FXR1: variants seen among roughly 807,000 people sequenced by gnomAD.
The protein encoded by FXR1 is RNA-binding protein FXR1.
A neutral mutation model predicts 84.0 loss-of-function variants in FXR1; 15 were observed. That is an observed-to-expected ratio of 0.18 (90% CI 0.12 to 0.27). The LOEUF (loss-of-function observed/expected upper bound fraction) is 0.27, where lower values mean the gene tolerates loss of function less well. FXR1 is among the 10% of genes least tolerant of loss of function. FXR1 has a pLI of 1.00. For synonymous variants in FXR1, 245 were observed against 250.7 expected (o/e 0.98, Z 0.21); for missense variants, 480 against 774.4 (o/e 0.62, Z 4.51).
intron 6 of FXR1, 48 bp from the exon 7 acceptor site, chr3:180,949,179 T>C: frequency 1.1e-6 from 1 of 939,712 alleles, no homozygotes; most frequent in Non-Finnish European, 1.8e-6. Context: ...GTTTGTGCTA[T>C]TTGGAAGAAT....
In FXR1 at chr3:180,976,286, T is replaced by C. The variant is rs1371527359; in HGVS notation, c.1860T>C (p.Val620=). The C allele has an allele frequency of 6.3e-7, 1 of 1,585,068 alleles. No individual in the cohort carries two copies. Among genetic ancestry groups the C allele is most frequent in the Admixed American group, 1.8e-5 (1 of 54,862 alleles). ...NTQEAAVLNG[V]S ...AAGAAGCAGCAGTCCTGAATGGTGT[T>C]TCATAAACTGAAGAAGTTCCTAGTT... The change falls in exon 17 of 17, where the codon GTT becomes GTC. Residue 620 remains valine, a synonymous_variant. Transcript: ENST00000357559.
intron 3 of FXR1, among the ~76,000 whole-genome samples, chr3:180,938,564 T>C (rs368842128): frequency 3.9e-5 from 6 of 152,334 alleles, no homozygotes; most frequent in African/African-American, 1.4e-4. Flanking sequence ...TATTTTATTT[T>C]TGAGATGGAG....
intron 1 of FXR1, among the ~76,000 whole-genome samples, chr3:180,917,767 A>G (rs1366005006): frequency 1.3e-5 from 2 of 151,810 alleles, no homozygotes; most frequent in African/African-American, 2.4e-5. Context: ...GCCAACATAG[A>G]GAAACCCCGT....
At chr3:180,965,301 C>T (rs1350370827) in intron 13 of FXR1, among the ~76,000 whole-genome samples, 1 of 152,144 alleles carries the variant, frequency 6.6e-6, no homozygotes, top group African/African-American at 2.4e-5. Flanking sequence ...AGGCGTGAGC[C>T]ACCAGCCTGG....
At chr3:180,945,558 C>G (rs562391685) in intron 3 of FXR1, among the ~76,000 whole-genome samples, 3 of 152,188 alleles carry the variant, frequency 2.0e-5, no homozygotes, top group Non-Finnish European at 2.9e-5. Flanking sequence ...GTGCACGCTA[C>G]GACACCTGGC....
At chr3:180,962,620 A>C (rs1712261128) in intron 11 of FXR1, among the ~76,000 whole-genome samples, 1 of 152,192 alleles carries the variant, frequency 6.6e-6, no homozygotes, top group South Asian at 2.1e-4. Context: ...TCTGTTAAAC[A>C]TCCCCTTGAT....
intron 3 of FXR1, among the ~76,000 whole-genome samples, chr3:180,936,677 A>G (rs1348730003): frequency 6.6e-6 from 1 of 152,154 alleles, no homozygotes; most frequent in Non-Finnish European, 1.5e-5. Flanking sequence ...TAGTGTACCC[A>G]CTTTGGTGGA....
intron 1 of FXR1, among the ~76,000 whole-genome samples, chr3:180,926,069 C>T (rs1402855329): frequency 6.6e-6 from 1 of 152,120 alleles, no homozygotes; most frequent in Non-Finnish European, 1.5e-5. Flanking sequence ...CACAAGTTTG[C>T]ATCAGGAATT....
chr3:180,916,991 C>T (rs112431318), intron 1 of FXR1, among the ~76,000 whole-genome samples: 4,637 of 152,166 alleles, frequency 0.03, 234 homozygotes, highest in African/African-American at 0.11. Context: ...CGCACCACCA[C>T]GCCCAGCTAA....
At chr3:180,929,565 G>A (rs531500984) in intron 1 of FXR1, among the ~76,000 whole-genome samples, 1 of 152,280 alleles carries the variant, frequency 6.6e-6, no homozygotes, top group African/African-American at 2.4e-5. Context: ...AATAGGAAGA[G>A]AGACAGTCGA....
intron 1 of FXR1, among the ~76,000 whole-genome samples, chr3:180,916,197 T>A (rs1717871586): frequency 6.6e-6 from 1 of 152,200 alleles, no homozygotes; most frequent in Non-Finnish European, 1.5e-5. Flanking sequence ...CAACCTTTTT[T>A]AAGTGTACAG....
chr3:180,919,918 A>G (rs1210853150), intron 1 of FXR1, among the ~76,000 whole-genome samples: 1 of 151,984 alleles, frequency 6.6e-6, no homozygotes, highest in Non-Finnish European at 1.5e-5. Flanking sequence ...TTCCTGCCTC[A>G]GCCTCCCAAA....
rs1482877785 is a variant in FXR1 at position 180,978,243 on chromosome 3, C to G, written c.*1951C>G. 6.6e-6 allele frequency: 1 copy of G among 150,574 alleles called. No homozygotes were observed. Among genetic ancestry groups the G allele is most frequent in the Non-Finnish European group, 1.5e-5 (1 of 67,752 alleles). The allele number at this position is 150,574 out of a possible 1,614,324, so 9.3% of individuals were successfully genotyped here. On this transcript the variant is annotated 3_prime_UTR_variant, in exon 17 of 17. Coordinates refer to ENST00000357559, the MANE Select transcript of FXR1 (RefSeq NM_005087.4). ...TAGAATAGTCAGATATATTAAACAT[C>G]CCTTTTCCATAAAGATGGTTTCAAT...
intron 1 of FXR1, among the ~76,000 whole-genome samples, chr3:180,919,395 A>G (rs2108422133): frequency 7.1e-6 from 1 of 140,690 alleles, no homozygotes; most frequent in South Asian, 2.2e-4. Flanking sequence ...CGTGATTCTC[A>G]TGCCTGAGCC....
intron 10 of FXR1, among the ~76,000 whole-genome samples, chr3:180,960,003 G>A (rs749313118): frequency 6.6e-6 from 1 of 152,252 alleles, no homozygotes; most frequent in East Asian, 1.9e-4. Context: ...AAACCATTCT[G>A]TAAAATGAAG....
chr3:180,975,024 A>C (rs532193241), intron 15 of FXR1, among the ~76,000 whole-genome samples: 278 of 137,670 alleles, frequency 2.0e-3, no homozygotes, highest in African/African-American at 7.1e-3. Context: ...GGGTTTCTCT[A>C]ACAACTTTGT....
intron 7 of FXR1, among the ~76,000 whole-genome samples, chr3:180,949,818 C>A (rs1722042676): frequency 6.6e-6 from 1 of 152,212 alleles, no homozygotes. Context: ...CATAGCCTTT[C>A]CTTTGCGAAA....
At chr3:180,927,350 T>C (rs2108435322) in intron 1 of FXR1, among the ~76,000 whole-genome samples, 1 of 152,182 alleles carries the variant, frequency 6.6e-6, no homozygotes, top group South Asian at 2.1e-4. Context: ...AGTGCTCTTA[T>C]AAAATGAGTG....
At position 180,947,918 on chromosome 3, in the gene FXR1, T is replaced by C; in HGVS notation, c.252T>C (p.Val84=). The C allele has an allele frequency of 6.2e-7, 1 of 1,605,434 alleles. No individual in the cohort carries two copies. Among genetic ancestry groups the C allele is most frequent in the Non-Finnish European group, 8.5e-7 (1 of 1,172,938 alleles). The change falls in exon 4 of 17, where the codon GTT becomes GTC. Residue 84 remains valine (V), a synonymous_variant. Coordinates refer to ENST00000357559, the MANE Select transcript of FXR1 (RefSeq NM_005087.4). ...QEPCGWWLAK[V]RMMKGEFYVI... Reference sequence around the variant, plus strand: ...CATGTGGGTGGTGGTTGGCTAAAGTTCGGATGATGAAAGGAGAAGTAAGTA... The same window carrying C: ...CATGTGGGTGGTGGTTGGCTAAAGTCCGGATGATGAAAGGAGAAGTAAGTA...
Sources: allele counts gnomAD v4.1 joint callset (sites outside exome capture counted in the v4.1 genomes callset), GRCh38; gene constraint gnomAD v4.1.1; transcripts MANE v1.5; gene names NCBI Gene and HGNC (gene_info 2026-07-23, HGNC 2026-07-21).